Variants in EVI5 observed in about 807,000 individuals in gnomAD.
The protein encoded by EVI5 is ecotropic viral integration site 5.
A neutral mutation model predicts 112.0 loss-of-function variants in EVI5; 73 were observed. The ratio of observed to expected loss-of-function variants is 0.65; its 90% CI spans 0.54 to 0.79. The LOEUF is 0.79. EVI5 is among the 30% of genes least tolerant of loss of function. EVI5 has a pLI of 0.00. For synonymous variants in EVI5, 305 were observed against 319.9 expected (o/e 0.95, Z 0.50); for missense variants, 900 against 968.8 (o/e 0.93, Z 0.94).
At chr1:92,555,114 C>A (rs1254408590) in intron 19 of EVI5, among the ~76,000 whole-genome samples, 1 of 152,176 alleles carries the variant, frequency 6.6e-6, no homozygotes, top group Admixed American at 6.5e-5. Context: ...CTTTCATTAT[C>A]TACATGGGAC....
intron 10 of EVI5, among the ~76,000 whole-genome samples, chr1:92,676,644 A>G (rs574426965): frequency 1.3e-5 from 2 of 152,288 alleles, no homozygotes; most frequent in South Asian, 4.1e-4. Context: ...TAGGGTATTT[A>G]TATGCCCTTC....
intron 18 of EVI5, among the ~76,000 whole-genome samples, chr1:92,593,469 A>AATG (rs1674356671): frequency 6.6e-6 from 1 of 152,186 alleles, no homozygotes; most frequent in South Asian, 2.1e-4. Context: ...TATCATATTG[A>AATG]ATGGGCAAAA....
intron 17 of EVI5, among the ~76,000 whole-genome samples, chr1:92,607,201 C>T (rs1049747530): frequency 1.3e-5 from 2 of 151,994 alleles, no homozygotes; most frequent in African/African-American, 2.4e-5. Context: ...ACATTACTGC[C>T]CACTAATAAG....
chr1:92,674,686 TA>T (rs972514526), intron 10 of EVI5, among the ~76,000 whole-genome samples: 191 of 137,168 alleles, frequency 1.4e-3, no homozygotes, highest in Middle Eastern at 3.7e-3. Flanking sequence ...AAAGTATAAT[TA>T]AAAAAAAAAA....
At chr1:92,737,908 T>C (rs1677716660) in intron 1 of EVI5, among the ~76,000 whole-genome samples, 2 of 152,242 alleles carry the variant, frequency 1.3e-5, no homozygotes, top group Admixed American at 1.3e-4. Flanking sequence ...GCCTCTCATT[T>C]TCTTTCCATT....
chr1:92,631,310 G>A (rs1183196692), intron 14 of EVI5, among the ~76,000 whole-genome samples: 1 of 152,170 alleles, frequency 6.6e-6, no homozygotes, highest in Non-Finnish European at 1.5e-5. Context: ...TCCTACCCAT[G>A]AGCATGGAAT....
At chr1:92,593,874 G>A (rs1441444996) in intron 18 of EVI5, among the ~76,000 whole-genome samples, 1 of 152,144 alleles carries the variant, frequency 6.6e-6, no homozygotes, top group East Asian at 1.9e-4. Context: ...GGATGTGAAG[G>A]ACCTCTTCAA....
chr1:92,628,622 C>G (rs1230205464), intron 14 of EVI5, among the ~76,000 whole-genome samples: 1 of 152,130 alleles, frequency 6.6e-6, no homozygotes, highest in Non-Finnish European at 1.5e-5. Context: ...AAAAAGGATA[C>G]AGGGTAGCCC....
upstream of EVI5, among the ~76,000 whole-genome samples, chr1:92,788,471 A>T (rs1402777749): frequency 6.8e-6 from 1 of 146,838 alleles, no homozygotes; most frequent in Non-Finnish European, 1.5e-5. Flanking sequence ...GAGAGACTCC[A>T]TCTCAAAAAC....
chr1:92,527,094 A>C (rs1423710679), intron 19 of EVI5, among the ~76,000 whole-genome samples: 1 of 152,106 alleles, frequency 6.6e-6, no homozygotes, highest in Non-Finnish European at 1.5e-5. Context: ...ACCGCTTGAG[A>C]AAAGTTTGAG....
intron 10 of EVI5, among the ~76,000 whole-genome samples, chr1:92,667,401 AAAC>A (rs1390071655): frequency 6.6e-6 from 1 of 152,214 alleles, no homozygotes; most frequent in Non-Finnish European, 1.5e-5. Context: ...TTTTCTGAGA[AAAC>A]AACTCCAATT....
At chr1:92,597,897 C>G (rs1011718452) in intron 18 of EVI5, among the ~76,000 whole-genome samples, 6 of 152,094 alleles carry the variant, frequency 3.9e-5, no homozygotes, top group Non-Finnish European at 7.4e-5. Flanking sequence ...CATCTCTACA[C>G]AAAATATAAA....
chr1:92,724,808 T>TA (rs900721078), intron 2 of EVI5, among the ~76,000 whole-genome samples: 3 of 151,384 alleles, frequency 2.0e-5, no homozygotes, highest in Non-Finnish European at 2.9e-5. Context: ...ACCCTGTCTT[T>TA]AAAAAAAATA....
intron 18 of EVI5, among the ~76,000 whole-genome samples, chr1:92,565,665 A>G (rs971612148): frequency 1.3e-5 from 2 of 151,954 alleles, no homozygotes; most frequent in African/African-American, 4.8e-5. Flanking sequence ...AGGAAGTACC[A>G]AATAGAACTG....
intron 19 of EVI5, among the ~76,000 whole-genome samples, chr1:92,527,191 G>C (rs1662024070): frequency 6.6e-6 from 1 of 152,024 alleles, no homozygotes; most frequent in South Asian, 2.1e-4. Flanking sequence ...GAGGCAGGTG[G>C]ATCACTTGAA....
At chr1:92,591,752 A>G (rs1020279888) in intron 18 of EVI5, among the ~76,000 whole-genome samples, 4 of 152,198 alleles carry the variant, frequency 2.6e-5, no homozygotes, top group African/African-American at 9.7e-5. Flanking sequence ...CTCTGCACCA[A>G]GTGGACCTAA....
chr1:92,722,451 G>A (rs1468896655), intron 2 of EVI5, among the ~76,000 whole-genome samples: 2 of 151,404 alleles, frequency 1.3e-5, no homozygotes, highest in African/African-American at 4.9e-5. Flanking sequence ...ATCTCCTAAT[G>A]CTATCCTTCC....
At chr1:92,686,313 T>C (rs902365799) in intron 9 of EVI5, among the ~76,000 whole-genome samples, 2 of 152,112 alleles carry the variant, frequency 1.3e-5, no homozygotes, top group Non-Finnish European at 2.9e-5. Context: ...ATTATCTCAA[T>C]AGATGCAGAA....
intron 19 of EVI5, among the ~76,000 whole-genome samples, chr1:92,527,106 C>T (rs941381672): frequency 2.0e-5 from 3 of 152,012 alleles, no homozygotes; most frequent in African/African-American, 7.2e-5. Flanking sequence ...AAGTTTGAGG[C>T]TATGTGTGTT....
Sources: gnomAD v4.1 joint callset for allele counts (sites outside exome capture counted in the v4.1 genomes callset) on GRCh38, gnomAD v4.1.1 for gene constraint, MANE v1.5 for transcripts, NCBI Gene and HGNC (gene_info 2026-07-23, HGNC 2026-07-21) for gene names.